NLGN1: variants seen among roughly 807,000 people sequenced by gnomAD.
The protein encoded by NLGN1 is neuroligin-1.
NLGN1 carries 12 observed loss-of-function variants against 65.5 expected under a neutral mutation model. The ratio of observed to expected loss-of-function variants is 0.18; its 90% CI spans 0.12 to 0.30. NLGN1 has a LOEUF of 0.30. Ranked by LOEUF, NLGN1 falls within the 10% of genes least tolerant of loss-of-function variation. NLGN1 has a pLI of 1.00. For missense variants in NLGN1, 750 were observed against 1,007.1 expected (o/e 0.74, Z 3.46); for synonymous variants, 350 against 359.5 (o/e 0.97, Z 0.30).
intron 4 of NLGN1, among the ~76,000 whole-genome samples, chr3:174,153,676 T>C (rs1172051265): frequency 6.6e-6 from 1 of 152,088 alleles, no homozygotes; most frequent in African/African-American, 2.4e-5. Flanking sequence ...TTTTCAAAAA[T>C]CAGCTACATA....
At chr3:174,119,502 T>C (rs1411073020) in intron 4 of NLGN1, among the ~76,000 whole-genome samples, 1 of 152,204 alleles carries the variant, frequency 6.6e-6, no homozygotes. Context: ...AATAGTTTCA[T>C]TTCACATGGA....
chr3:173,719,348 A>G (rs1258504522), intron 3 of NLGN1, among the ~76,000 whole-genome samples: 3 of 152,276 alleles, frequency 2.0e-5, no homozygotes, highest in Admixed American at 1.3e-4. Context: ...TTTTGTGAGT[A>G]CCTTCTTTCC....
intron 4 of NLGN1, among the ~76,000 whole-genome samples, chr3:173,816,932 G>A (rs897617811): frequency 7.9e-5 from 12 of 152,330 alleles, no homozygotes; most frequent in African/African-American, 2.6e-4. Flanking sequence ...CTGCATTACT[G>A]CATTACAGTT....
At chr3:174,187,078 A>G (rs1731539582) in intron 4 of NLGN1, among the ~76,000 whole-genome samples, 1 of 152,028 alleles carries the variant, frequency 6.6e-6, no homozygotes, top group Non-Finnish European at 1.5e-5. Context: ...TACTATGTAA[A>G]TAATTGTTAT....
At position 173,704,398 on chromosome 3, in the gene NLGN1, C is replaced by T. The variant is rs182524724; in HGVS notation, c.493+99307C>T. ...TTCAACCAGAATAATTTATTTGCTT[C>T]CCACAGTCAGTTGGGAATTATTGTT... On this transcript the variant is annotated intron_variant, in intron 3 of 6. Coordinates refer to ENST00000457714, the Ensembl canonical transcript of NLGN1. 2.8e-3 allele frequency among the ~76,000 whole-genome samples: 425 copies of T among 152,080 alleles called. 2 individuals carry two copies. The highest frequency in any genetic ancestry group is 0.022 in the South Asian group (107 of 4,800).
At chr3:174,077,465 T>C (rs1741239684) in intron 4 of NLGN1, among the ~76,000 whole-genome samples, 1 of 152,218 alleles carries the variant, frequency 6.6e-6, no homozygotes, top group South Asian at 2.1e-4. Context: ...ATTGTATAAA[T>C]AGTAGCAAAT....
In NLGN1 at chr3:174,279,419, C is replaced by T. The variant is rs1751188893; in HGVS notation, c.1418C>T (p.Ala473Val). The stretch of plus-strand genomic sequence containing the variant: ...TGGGTGGCACCAGCTGTAGCCACAG[C>T]GGATCTTCACTCAAACTTTGGTTCA... Residue 473 changes from alanine to valine, a missense_variant, in exon 6 of 7, where the codon GCG (alanine) becomes GTG (valine). Transcript: ENST00000457714. The surrounding 1 kb of genome is among the most constrained non-coding windows in gnomAD (Gnocchi z 4.7). 1.9e-6 allele frequency: 3 copies of T among 1,613,246 alleles called. No individual in the cohort carries two copies. Among genetic ancestry groups the T allele is most frequent in the Non-Finnish European group, 2.5e-6 (3 of 1,179,504 alleles).
At chr3:174,126,801 A>T (rs1577009879) in intron 4 of NLGN1, among the ~76,000 whole-genome samples, 1 of 152,256 alleles carries the variant, frequency 6.6e-6, no homozygotes, top group Non-Finnish European at 1.5e-5. Context: ...CTAGCACCAG[A>T]TACATGGTAT....
At chr3:173,539,741 T>TGTACATATACACATATATACATATAG (rs1738368381) in intron 2 of NLGN1, among the ~76,000 whole-genome samples, 1 of 129,980 alleles carries the variant, frequency 7.7e-6, no homozygotes, top group Admixed American at 7.8e-5. Flanking sequence ...TATACATATA[T>TGTACATATACACATATATACATATAG]GTACATATAT....
intron 2 of NLGN1, among the ~76,000 whole-genome samples, chr3:173,514,350 TACCA>T (rs1458951862): frequency 6.6e-6 from 1 of 152,174 alleles, no homozygotes; most frequent in African/African-American, 2.4e-5. Context: ...GTTTACACTG[TACCA>T]AATATGTAGT....
At chr3:173,954,084 A>C (rs1748723385) in intron 4 of NLGN1, among the ~76,000 whole-genome samples, 1 of 152,182 alleles carries the variant, frequency 6.6e-6, no homozygotes, top group South Asian at 2.1e-4. Context: ...AATTTGTAAA[A>C]TCAGTAAAAA....
chr3:173,460,248 A>G (rs1299244419), intron 2 of NLGN1, among the ~76,000 whole-genome samples: 2 of 152,120 alleles, frequency 1.3e-5, no homozygotes, highest in Non-Finnish European at 2.9e-5. Flanking sequence ...TACTCATAAG[A>G]TAGCTAGACC....
intron 1 of NLGN1, among the ~76,000 whole-genome samples, chr3:173,412,796 A>G (rs1419825771): frequency 1.3e-5 from 2 of 152,192 alleles, no homozygotes; most frequent in Non-Finnish European, 2.9e-5. Flanking sequence ...CATATCCAAT[A>G]ACATACTTTC....
chr3:174,006,915 A>G (rs2152434927), intron 4 of NLGN1, among the ~76,000 whole-genome samples: 1 of 152,158 alleles, frequency 6.6e-6, no homozygotes, highest in Admixed American at 6.5e-5. Context: ...TAAAAATACA[A>G]AAATTAGCTG....
At chr3:173,528,422 A>G (rs925708170) in intron 2 of NLGN1, among the ~76,000 whole-genome samples, 2 of 152,138 alleles carry the variant, frequency 1.3e-5, no homozygotes, top group East Asian at 3.9e-4. Context: ...CCTTGATGAT[A>G]TTCATCTAGT....
In NLGN1 at chr3:174,254,347, G is replaced by A. The variant is rs139793189; in HGVS notation, c.647-20968G>A. Reference sequence around the variant, plus strand: ...TTTTTTTTTTGTAATTTAAAGTTTGGGATAGTGAGAAACTTGAATTATCTT... The same window carrying A: ...TTTTTTTTTTGTAATTTAAAGTTTGAGATAGTGAGAAACTTGAATTATCTT... On this transcript the variant is annotated intron_variant, in intron 4 of 6. Transcript: ENST00000457714. Among the ~76,000 whole-genome samples the A allele has an allele frequency of 4.3e-3, 544 of 127,936 alleles. 3 individuals carry two copies. The highest frequency in any genetic ancestry group is 0.026 in the Middle Eastern group (5 of 196). 83.9% of individuals were successfully genotyped at this position (127,936 alleles called of 152,430 possible).
At chr3:173,776,924 A>G (rs188633868) in intron 3 of NLGN1, among the ~76,000 whole-genome samples, 191 of 152,120 alleles carry the variant, frequency 1.3e-3, no homozygotes, top group African/African-American at 4.4e-3. Context: ...TGATCTCATT[A>G]TCATCATAAT....
chr3:173,471,994 G>A (rs1725389569), intron 2 of NLGN1, among the ~76,000 whole-genome samples: 1 of 152,036 alleles, frequency 6.6e-6, no homozygotes. Flanking sequence ...GATTATTAAG[G>A]TAGAAGTGCT....
At position 173,818,895 on chromosome 3, in the gene NLGN1, C is replaced by CTTTTTTTT. The variant is rs200212547; in HGVS notation, c.646+11072_646+11079dup. Among the ~76,000 whole-genome samples the CTTTTTTTT allele has an allele frequency of 5.8e-4, 54 of 92,384 alleles. 8 individuals carry two copies. The highest frequency in any genetic ancestry group is 2.2e-3 in the African/African-American group (46 of 21,218). The allele number at this position is 92,384 out of a possible 152,430, so 60.6% of individuals were successfully genotyped here. A position where few individuals can be genotyped will look rare whatever the true frequency, so the allele number is the denominator to read the frequency against. ...AATTTTGTTCTGCCTTTGAATAGTT[C>CTTTTTTTT]TTTTTTTTTTTTTTTTCCAGTAAGG... On this transcript the variant is annotated intron_variant, in intron 4 of 6. Coordinates refer to ENST00000457714, the Ensembl canonical transcript of NLGN1.
Sources: allele counts gnomAD v4.1 joint callset (sites outside exome capture counted in the v4.1 genomes callset), GRCh38; gene constraint gnomAD v4.1.1; non-coding constraint Gnocchi (gnomAD v3.1); transcripts MANE v1.5; gene names NCBI Gene and HGNC (gene_info 2026-07-23, HGNC 2026-07-21).